Variants in ZEB1 observed in about 807,000 individuals in gnomAD.
ZEB1 encodes the protein zinc finger E-box binding homeobox 1.
A neutral mutation model predicts 84.9 loss-of-function variants in ZEB1; 21 were observed. That is an observed-to-expected ratio of 0.25 (90% confidence interval 0.18 to 0.36). The LOEUF (loss-of-function observed/expected upper bound fraction) is 0.36. Among genes scored for constraint, ZEB1 ranks in the 10% least tolerant of loss-of-function variants. The pLI, the probability that ZEB1 is intolerant of heterozygous loss-of-function variation, is 1.00. For synonymous variants in ZEB1, 420 were observed against 471.1 expected (o/e 0.89, Z 1.41); for missense variants, 1,104 against 1,330.2 (o/e 0.83, Z 2.65).
intron 1 of ZEB1, among the ~76,000 whole-genome samples, chr10:31,347,690 T>G (rs944937208): frequency 2.0e-5 from 3 of 152,200 alleles, no homozygotes; most frequent in Non-Finnish European, 4.4e-5. Flanking sequence ...TCTCCCCTTA[T>G]TATTGGACAT....
chr10:31,488,462 T>C (rs1591792603), intron 2 of ZEB1, among the ~76,000 whole-genome samples: 1 of 151,296 alleles, frequency 6.6e-6, no homozygotes, highest in East Asian at 1.9e-4. Flanking sequence ...TTACCGATCC[T>C]ACTACAGTTT....
intron 1 of ZEB1, among the ~76,000 whole-genome samples, chr10:31,402,346 T>C (rs1196819600): frequency 6.6e-6 from 1 of 152,032 alleles, no homozygotes; most frequent in African/African-American, 2.4e-5. Context: ...CTCCAAAGTA[T>C]TATCCTGAGT....
chr10:31,490,558 C>A (rs1324672843), intron 2 of ZEB1, among the ~76,000 whole-genome samples: 1 of 151,600 alleles, frequency 6.6e-6, no homozygotes, highest in Non-Finnish European at 1.5e-5. Context: ...CTTCCATTTG[C>A]TGAGACATTC....
chr10:31,321,772 G>A, intron 1 of ZEB1: 2 of 560,324 alleles, frequency 3.6e-6, no homozygotes, highest in South Asian at 2.3e-5. Flanking sequence ...CTTAAGGGGG[G>A]AAAAGCGATC....
chr10:31,510,592 C>A, intron 4 of ZEB1, 81 bp from the exon 5 acceptor site: 1 of 1,137,736 alleles, frequency 8.8e-7, no homozygotes, highest in Non-Finnish European at 1.3e-6. Context: ...ATATCTGGAA[C>A]ATAGCATAGG....
intron 1 of ZEB1, among the ~76,000 whole-genome samples, chr10:31,401,453 G>T (rs2051977993): frequency 6.6e-6 from 1 of 152,258 alleles, no homozygotes; most frequent in African/African-American, 2.4e-5. Flanking sequence ...GATGGGTGTG[G>T]CTCGTAACAG....
In ZEB1 at chr10:31,521,590, T is replaced by C; in HGVS notation, c.2258T>C (p.Ile753Thr). ...GGAGAATTATTAGAAAGGTCAACTA[T>C]CACTAGTGTTTACCAGAACAGTGTT... ...QQGELLERST[I>T]TSVYQNSVYS... is the part of the protein sequence containing the mutation. Residue 753 changes from isoleucine to threonine, a missense_variant, in exon 7 of 9, where the codon ATC (isoleucine) becomes ACC (threonine). Ile to Thr is a moderately conservative substitution (Grantham distance 89, BLOSUM62 -1). Transcript: ENST00000424869. 1 of 1,614,138 alleles carries C rather than the reference T, an allele frequency of 6.2e-7. No individual in the cohort carries two copies.
intron 1 of ZEB1, chr10:31,372,883 C>T (rs2045961989): frequency 2.0e-6 from 1 of 504,120 alleles, no homozygotes; most frequent in Non-Finnish European, 2.6e-6. Flanking sequence ...TTTATTATAG[C>T]ATGTCTTCTC....
At chr10:31,432,738 A>G (rs964157972) in intron 1 of ZEB1, among the ~76,000 whole-genome samples, 5 of 152,166 alleles carry the variant, frequency 3.3e-5, no homozygotes, top group African/African-American at 1.2e-4. Context: ...TGTGGGTTAT[A>G]TTTACTGATA....
intron 6 of ZEB1, among the ~76,000 whole-genome samples, chr10:31,516,724 T>C (rs1023574399): frequency 3.3e-5 from 5 of 151,960 alleles, no homozygotes; most frequent in African/African-American, 1.2e-4. Context: ...GCAGAGAATT[T>C]GATAGGGTTT....
chr10:31,327,103 T>C (rs912065927), intron 1 of ZEB1, among the ~76,000 whole-genome samples: 9 of 127,516 alleles, frequency 7.1e-5, no homozygotes, highest in Non-Finnish European at 1.2e-4. Flanking sequence ...TCTTTTCTTT[T>C]TTTTTTTTTT....
intron 1 of ZEB1, among the ~76,000 whole-genome samples, chr10:31,336,524 A>T (rs2038093205): frequency 6.6e-6 from 1 of 152,180 alleles, no homozygotes; most frequent in South Asian, 2.1e-4. Flanking sequence ...TAAAACACAG[A>T]GCAAAAGATT....
intron 1 of ZEB1, among the ~76,000 whole-genome samples, chr10:31,442,324 T>C (rs893393616): frequency 2.0e-5 from 3 of 151,636 alleles, no homozygotes; most frequent in African/African-American, 7.3e-5. Context: ...AACCAAACAC[T>C]GTACGTTCTC....
intron 4 of ZEB1, among the ~76,000 whole-genome samples, chr10:31,505,637 T>G (rs1187671930): frequency 6.6e-6 from 1 of 151,982 alleles, no homozygotes; most frequent in Non-Finnish European, 1.5e-5. Flanking sequence ...TATTTGCATC[T>G]TCTCTGTTCT....
rs1288285122 is a variant in ZEB1 at position 31,519,349 on chromosome 10, CCA to C, written c.794-774_794-773del. Among the ~76,000 whole-genome samples, 5 of 152,146 alleles carry C rather than the reference CCA, an allele frequency of 3.3e-5. No homozygotes were observed. In the East Asian group the frequency reaches 7.7e-4, roughly 23 times the overall value. On this transcript the variant is annotated intron_variant, in intron 6 of 8. Transcript: ENST00000424869. The stretch of plus-strand genomic sequence containing the variant: ...CCAAGGAGAATAAATGCCTTTTACC[CCA>C]CAGAGTCTAGGGAAGCAGCTTGAGG...
intron 1 of ZEB1, chr10:31,321,360 C>T: frequency 6.6e-7 from 1 of 1,517,748 alleles, no homozygotes; most frequent in Non-Finnish European, 8.8e-7. Flanking sequence ...ATTTTAAAGA[C>T]GTCTGTTGAT....
chr10:31,470,080 G>C (rs1158470489), intron 2 of ZEB1, among the ~76,000 whole-genome samples: 1 of 151,858 alleles, frequency 6.6e-6, no homozygotes, highest in Non-Finnish European at 1.5e-5. Flanking sequence ...CATCATCAAA[G>C]ACCAAAAGTA....
intron 1 of ZEB1, among the ~76,000 whole-genome samples, chr10:31,334,024 T>C (rs1031219386): frequency 6.6e-6 from 1 of 151,990 alleles, no homozygotes; most frequent in South Asian, 2.1e-4. Context: ...GATAATACAC[T>C]TTCAAAATAC....
At chr10:31,501,337 G>C (rs1462311258) in intron 3 of ZEB1, among the ~76,000 whole-genome samples, 1 of 152,162 alleles carries the variant, frequency 6.6e-6, no homozygotes. Flanking sequence ...AGCACGCTGG[G>C]CTACCTTCTC....
Sources: gnomAD v4.1 joint callset for allele counts (sites outside exome capture counted in the v4.1 genomes callset) on GRCh38, gnomAD v4.1.1 for gene constraint, MANE v1.5 for transcripts, NCBI Gene and HGNC (gene_info 2026-07-23, HGNC 2026-07-21) for gene names.